The following DLGAP4 variants were observed in gnomAD, a reference collection of about 807,000 sequenced individuals.
DLGAP4 encodes disks large-associated protein 4.
A neutral mutation model predicts 86.9 loss-of-function variants in DLGAP4; 18 were observed. The observed-to-expected ratio is 0.21, with a 90% CI of 0.14 to 0.31. The LOEUF (loss-of-function observed/expected upper bound fraction) is 0.31. Ranked by LOEUF, DLGAP4 falls within the 10% of genes least tolerant of loss-of-function variation. DLGAP4 has a pLI of 1.00. For synonymous variants in DLGAP4, 548 were observed against 574.3 expected (o/e 0.95, Z 0.65); for missense variants, 1,085 against 1,362.6 (o/e 0.80, Z 3.21).
At chr20:36,499,716 T>G (rs1435709603) in intron 9 of DLGAP4, 40 bp downstream of exon 9, 1 of 1,524,334 alleles carries the variant, frequency 6.6e-7, no homozygotes, top group East Asian at 2.3e-5. Flanking sequence ...TCCCCTCTCC[T>G]CTCCCTCCCT....
At chr20:36,395,810 G>A (rs927023054) in intron 2 of DLGAP4, among the ~76,000 whole-genome samples, 1 of 152,124 alleles carries the variant, frequency 6.6e-6, no homozygotes, top group African/African-American at 2.4e-5. Context: ...TCAGAGCAGG[G>A]GTGTGGCAAA....
At chr20:36,447,825 T>C (rs981163199) in intron 7 of DLGAP4, among the ~76,000 whole-genome samples, 9 of 139,214 alleles carry the variant, frequency 6.5e-5, no homozygotes, top group Admixed American at 1.7e-4. Flanking sequence ...AAATTGCATG[T>C]TCTCACTCAT....
In DLGAP4 at chr20:36,432,577, A is replaced by C; in HGVS notation, c.860A>C (p.Asn287Thr). The C allele has an allele frequency of 6.2e-7, 1 of 1,610,798 alleles. No individual in the cohort carries two copies. Among genetic ancestry groups the C allele is most frequent in the Non-Finnish European group, 8.5e-7 (1 of 1,178,920 alleles). The change falls in exon 3 of 13, where the codon AAC becomes ACC. Residue 287 changes from asparagine to threonine, a missense_variant. Asn to Thr is a moderately conservative substitution (Grantham distance 65, BLOSUM62 0). Coordinates refer to ENST00000339266, the MANE Select transcript of DLGAP4 (RefSeq NM_001365621.2). The surrounding 1 kb of genome is among the most constrained non-coding windows in gnomAD (Gnocchi z 6.5). ...AGCCTTGGGGTGGGCACTGACACCA[A>C]CTACGTCAAACGGGGCTCCTGGTCC... The part of the protein sequence containing the change: ...CPSLGVGTDT[N>T]YVKRGSWSTL...
chr20:36,506,447 C>T (rs2036376928), intron 10 of DLGAP4, among the ~76,000 whole-genome samples: 1 of 152,132 alleles, frequency 6.6e-6, no homozygotes, highest in African/African-American at 2.4e-5. Flanking sequence ...AGAGGGGGCC[C>T]TTTTCATAGC....
intron 2 of DLGAP4, among the ~76,000 whole-genome samples, chr20:36,390,864 A>T (rs904347731): frequency 1.3e-5 from 2 of 151,784 alleles, no homozygotes; most frequent in African/African-American, 4.8e-5. Context: ...CTAAACCCTG[A>T]CCCTGGTCCC....
chr20:36,408,017 A>G (rs1381020787), intron 2 of DLGAP4, among the ~76,000 whole-genome samples: 1 of 152,074 alleles, frequency 6.6e-6, no homozygotes, highest in Non-Finnish European at 1.5e-5. Flanking sequence ...AGTCTGGGAC[A>G]TCAGAATGTG....
intron 2 of DLGAP4, among the ~76,000 whole-genome samples, chr20:36,407,604 C>T (rs983688394): frequency 3.9e-5 from 6 of 151,978 alleles, no homozygotes; most frequent in Admixed American, 1.3e-4. Context: ...ATAGGAGTTC[C>T]CTTGGCAATC....
intron 8 of DLGAP4, chr20:36,499,348 C>T: frequency 6.2e-7 from 1 of 1,606,924 alleles, no homozygotes. Context: ...ATCTCCACCC[C>T]ATCCCACCTC....
At chr20:36,355,227 T>C (rs376473862) in intron 1 of DLGAP4, among the ~76,000 whole-genome samples, 2 of 152,196 alleles carry the variant, frequency 1.3e-5, no homozygotes, top group African/African-American at 4.8e-5. Context: ...ATATAACATG[T>C]AGTCTTCACG....
At chr20:36,344,004 GC>G (rs1439121522) in intron 1 of DLGAP4, among the ~76,000 whole-genome samples, 1 of 152,206 alleles carries the variant, frequency 6.6e-6, no homozygotes, top group East Asian at 1.9e-4. Flanking sequence ...GCAGGGGAGT[GC>G]TGTTCACCTT....
chr20:36,439,871 G>A lies in DLGAP4; in HGVS notation c.1356+3G>A, dbSNP rs145213052. On this transcript the variant is annotated splice_donor_region_variant and intron_variant, in intron 5 of 12. Transcript: ENST00000339266. ...ACGACTCCAGCTGCATCAGCCAGGT[G>A]AGGGTGGCAGGGAGGCTGGAGAGTC... 1,410 of 1,612,062 alleles carry A rather than the reference G, an allele frequency of 8.7e-4. 9 individuals are homozygous for A. The African/African-American group carries it at 0.017, about 19-fold the overall frequency.
chr20:36,420,360 GGATGTA>G (rs1163534984), intron 2 of DLGAP4, among the ~76,000 whole-genome samples: 4 of 152,182 alleles, frequency 2.6e-5, no homozygotes, highest in Non-Finnish European at 5.9e-5. Flanking sequence ...GCCTCTCAGT[GGATGTA>G]GCCTGTGAGC....
At chr20:36,479,525 G>A (rs2035092461) in intron 7 of DLGAP4, among the ~76,000 whole-genome samples, 1 of 152,172 alleles carries the variant, frequency 6.6e-6, no homozygotes, top group South Asian at 2.1e-4. Flanking sequence ...GTTGTTCAGT[G>A]AGTGAGCCAG....
chr20:36,369,073 C>A (rs1327137585), intron 2 of DLGAP4, among the ~76,000 whole-genome samples: 1 of 152,142 alleles, frequency 6.6e-6, no homozygotes, highest in Non-Finnish European at 1.5e-5. Flanking sequence ...CCGTCAGCAT[C>A]GCGTGGAAAG....
chr20:36,394,555 T>C (rs552254600), intron 2 of DLGAP4, among the ~76,000 whole-genome samples: 1 of 152,292 alleles, frequency 6.6e-6, no homozygotes, highest in East Asian at 1.9e-4. Flanking sequence ...TGCGTGTGTG[T>C]GCACGTGGCC....
At position 36,443,602 on chromosome 20, in the gene DLGAP4, T is replaced by C. The variant is rs147255103; in HGVS notation, c.1407+825T>C. Among the ~76,000 whole-genome samples the C allele has an allele frequency of 3.0e-3, 460 of 152,242 alleles. 3 individuals are homozygous for C. The highest frequency in any genetic ancestry group is 0.011 in the African/African-American group (445 of 41,528). On this transcript the variant is annotated intron_variant, in intron 6 of 12. Transcript: ENST00000339266. ...AAGAAGTTATTTAAAGAGCCCACAG[T>C]GGGCCAAGCGACCTCTTCCTCATCC...
chr20:36,328,788 T>G (rs2065240546), intron 1 of DLGAP4, among the ~76,000 whole-genome samples: 1 of 151,698 alleles, frequency 6.6e-6, no homozygotes, highest in Non-Finnish European at 1.5e-5. Flanking sequence ...TTTTTTTTTT[T>G]TTTCTTAAGA....
chr20:36,490,055 C>T (rs1401486287), intron 7 of DLGAP4, among the ~76,000 whole-genome samples: 12 of 151,646 alleles, frequency 7.9e-5, no homozygotes, highest in Non-Finnish European at 1.8e-4. Context: ...GATGGGTTAC[C>T]CTGTGTTGGC....
At chr20:36,428,788 G>C (rs2033048718) in intron 2 of DLGAP4, among the ~76,000 whole-genome samples, 1 of 152,236 alleles carries the variant, frequency 6.6e-6, no homozygotes, top group African/African-American at 2.4e-5. Flanking sequence ...GTCTAAAACG[G>C]ATTGCAGAGC....
Sources: allele counts gnomAD v4.1 joint callset (sites outside exome capture counted in the v4.1 genomes callset), GRCh38; gene constraint gnomAD v4.1.1; non-coding constraint Gnocchi (gnomAD v3.1); transcripts MANE v1.5; gene names NCBI Gene and HGNC (gene_info 2026-07-23, HGNC 2026-07-21).